Variants in SNTB1 observed in about 807,000 individuals in gnomAD.
SNTB1 encodes beta-1-syntrophin.
SNTB1 carries 36 observed loss-of-function variants against 48.9 expected under a neutral mutation model. The observed-to-expected ratio is 0.74, with a 90% CI of 0.56 to 0.97. SNTB1 has a LOEUF of 0.97. Ranked by LOEUF, SNTB1 falls within the 50% of genes least tolerant of loss-of-function variation. SNTB1 has a pLI of 0.00. For missense variants in SNTB1, 786 were observed against 703.4 expected, an observed-to-expected ratio of 1.12 and a Z score of -1.33; for synonymous variants, 299 against 294.6, an observed-to-expected ratio of 1.01 and a Z score of -0.15.
intron 2 of SNTB1, among the ~76,000 whole-genome samples, chr8:120,675,020 C>T (rs1431860927): frequency 6.6e-6 from 1 of 151,994 alleles, no homozygotes; most frequent in African/African-American, 2.4e-5. Context: ...ATCTTTAGAC[C>T]CAGAAGGAAA....
At chr8:120,598,681 T>C (rs117863424) in intron 3 of SNTB1, among the ~76,000 whole-genome samples, 2,011 of 152,300 alleles carry the variant, frequency 0.013, 22 homozygotes, top group Non-Finnish European at 0.022. Flanking sequence ...TATTCCCTTA[T>C]AGTTCTGGAG....
intron 1 of SNTB1, among the ~76,000 whole-genome samples, chr8:120,794,822 T>C (rs1253249251): frequency 6.6e-6 from 1 of 151,924 alleles, no homozygotes; most frequent in Non-Finnish European, 1.5e-5. Context: ...CCATCAGCTG[T>C]TCTTCAGTCT....
intron 1 of SNTB1, among the ~76,000 whole-genome samples, chr8:120,793,631 A>G (rs1820074930): frequency 6.6e-6 from 1 of 151,978 alleles, no homozygotes; most frequent in Non-Finnish European, 1.5e-5. Context: ...AACCGGAATT[A>G]TGAAGATTTG....
At position 120,607,310 on chromosome 8, in the gene SNTB1, T is replaced by C. The variant is rs1480230094; in HGVS notation, c.996+25134A>G. On this transcript the variant is annotated intron_variant, in intron 3 of 6. Transcript: ENST00000517992. ...GAGGGAATATTCACTATTTTAAGGCTGGTGCGTCCACCTACATTAATCTAT... is the reference window on the plus strand; with the variant it reads ...GAGGGAATATTCACTATTTTAAGGCCGGTGCGTCCACCTACATTAATCTAT... Among the ~76,000 whole-genome samples the C allele has an allele frequency of 2.0e-5, 3 of 152,252 alleles. No homozygotes were observed. In the South Asian group the frequency reaches 6.2e-4, roughly 31 times the overall value.
intron 2 of SNTB1, among the ~76,000 whole-genome samples, chr8:120,692,737 C>T (rs965545518): frequency 6.6e-6 from 1 of 152,104 alleles, no homozygotes; most frequent in African/African-American, 2.4e-5. Context: ...AGCCTTAAAG[C>T]AACTCTCATC....
intron 1 of SNTB1, among the ~76,000 whole-genome samples, chr8:120,741,607 C>T (rs1819042024): frequency 6.6e-6 from 1 of 152,142 alleles, no homozygotes; most frequent in South Asian, 2.1e-4. Context: ...GAGCCAGAGT[C>T]CCTCTCCAAA....
intron 1 of SNTB1, among the ~76,000 whole-genome samples, chr8:120,787,691 T>A (rs1413232833): frequency 6.6e-6 from 1 of 151,854 alleles, no homozygotes; most frequent in African/African-American, 2.4e-5. Flanking sequence ...TACAAAAAAA[T>A]TAAAAGAAAT....
chr8:120,647,197 A>C (rs376358718), intron 2 of SNTB1, among the ~76,000 whole-genome samples: 4 of 133,660 alleles, frequency 3.0e-5, no homozygotes, highest in African/African-American at 8.4e-5. Flanking sequence ...TTATTTCTTG[A>C]CTTCTGCTAG....
chr8:120,801,111 T>A (rs1820218479), intron 1 of SNTB1, among the ~76,000 whole-genome samples: 1 of 151,866 alleles, frequency 6.6e-6, no homozygotes, highest in African/African-American at 2.4e-5. Flanking sequence ...TTTAGAAAAA[T>A]TCTAAAAATG....
At chr8:120,804,986 T>A (rs190678859) in intron 1 of SNTB1, among the ~76,000 whole-genome samples, 1 of 152,212 alleles carries the variant, frequency 6.6e-6, no homozygotes, top group Non-Finnish European at 1.5e-5. Context: ...ATGGTACTTA[T>A]CTGTATCTGT....
intron 1 of SNTB1, among the ~76,000 whole-genome samples, chr8:120,786,023 A>G (rs1435554845): frequency 2.0e-5 from 3 of 152,226 alleles, no homozygotes; most frequent in African/African-American, 7.2e-5. Flanking sequence ...ATTTATAACC[A>G]AGGAAATCTC....
At chr8:120,745,469 A>C (rs1463741674) in intron 1 of SNTB1, among the ~76,000 whole-genome samples, 1 of 152,050 alleles carries the variant, frequency 6.6e-6, no homozygotes, top group African/African-American at 2.4e-5. Context: ...GCAGAATTAC[A>C]TTCTGCTGTC....
intron 4 of SNTB1, among the ~76,000 whole-genome samples, chr8:120,554,176 C>T (rs1436301729): frequency 6.6e-6 from 1 of 152,144 alleles, no homozygotes; most frequent in East Asian, 1.9e-4. Flanking sequence ...CTGGGATCTC[C>T]AGTTTCCTCC....
At chr8:120,584,787 C>A (rs552879179) in intron 3 of SNTB1, among the ~76,000 whole-genome samples, 7 of 152,126 alleles carry the variant, frequency 4.6e-5, no homozygotes, top group Admixed American at 1.3e-4. Flanking sequence ...TAGGTTGGAC[C>A]CCTAATCCAC....
chr8:120,781,966 C>T (rs1819836218), intron 1 of SNTB1, among the ~76,000 whole-genome samples: 1 of 152,152 alleles, frequency 6.6e-6, no homozygotes, highest in Admixed American at 6.5e-5. Context: ...TATCACAAGC[C>T]AAGTGGCTTA....
intron 1 of SNTB1, among the ~76,000 whole-genome samples, chr8:120,751,977 T>C (rs557242888): frequency 6.6e-6 from 1 of 152,318 alleles, no homozygotes; most frequent in African/African-American, 2.4e-5. Flanking sequence ...GTAGACGATC[T>C]TGGCATTATA....
At position 120,635,930 on chromosome 8, in the gene SNTB1, G is replaced by A. The variant is rs192614174; in HGVS notation, c.789-3279C>T. 2.5e-4 allele frequency: 119 copies of A among 478,684 alleles called. No homozygotes were observed. In the East Asian group the frequency reaches 4.0e-3, roughly 16 times the overall value. 29.7% of individuals were successfully genotyped at this position (478,684 alleles called of 1,614,324 possible). Reference sequence around the variant, plus strand: ...ATTCTTTATTTCCTTTTTGCTAACCGAATCTTGATTTTCTCCAAAGCTTTC... The same window carrying A: ...ATTCTTTATTTCCTTTTTGCTAACCAAATCTTGATTTTCTCCAAAGCTTTC... On this transcript the variant is annotated intron_variant, in intron 2 of 6. Coordinates refer to ENST00000517992, the MANE Select transcript of SNTB1 (RefSeq NM_021021.4).
At chr8:120,653,170 T>C (rs1169215511) in intron 2 of SNTB1, among the ~76,000 whole-genome samples, 1 of 152,224 alleles carries the variant, frequency 6.6e-6, no homozygotes, top group African/African-American at 2.4e-5. Context: ...GATGTGACTT[T>C]ATTTGGAAAT....
At chr8:120,782,811 A>G (rs1260793379) in intron 1 of SNTB1, among the ~76,000 whole-genome samples, 1 of 152,200 alleles carries the variant, frequency 6.6e-6, no homozygotes, top group Non-Finnish European at 1.5e-5. Context: ...CTGGGAAAAC[A>G]CACATGAAAA....
Sources: allele counts gnomAD v4.1 joint callset (sites outside exome capture counted in the v4.1 genomes callset), GRCh38; gene constraint gnomAD v4.1.1; transcripts MANE v1.5; gene names NCBI Gene and HGNC (gene_info 2026-07-23, HGNC 2026-07-21).